Variants in PUSL1 observed in about 807,000 individuals in gnomAD.
PUSL1 encodes the protein pseudouridine synthase like 1.
In PUSL1, 51 loss-of-function variants were observed where a neutral mutation model predicts 30.7. The observed-to-expected ratio is 1.66, with a 90% CI of 1.33 to 2.10. PUSL1 has a LOEUF of 2.10. PUSL1 is among the 30% of genes most tolerant of loss of function. The pLI, the probability that PUSL1 is intolerant of heterozygous loss-of-function variation, is 0.00. For missense variants in PUSL1, 609 were observed against 427.6 expected (o/e 1.42, Z -3.74); for synonymous variants, 290 against 192.1 (o/e 1.51, Z -4.21).
Position 1,311,610 on chromosome 1 carries a change from A to G in PUSL1, c.*231A>G. The G allele has an allele frequency of 7.0e-6, 5 of 715,788 alleles. No homozygotes were observed. The allele number at this position is 715,788 out of a possible 1,614,324, so 44.3% of individuals were successfully genotyped here. ...GAGAGTACCAAGTAGTCTTTTGTTCAGCTTTTACTGGAAACTGCTGTCTAG... is the reference window on the plus strand; with the variant it reads ...GAGAGTACCAAGTAGTCTTTTGTTCGGCTTTTACTGGAAACTGCTGTCTAG... On this transcript the variant is annotated 3_prime_UTR_variant, in exon 8 of 8. Coordinates refer to ENST00000379031, the MANE Select transcript of PUSL1 (RefSeq NM_153339.3).
Position 1,309,848 on chromosome 1 carries a change from GC to G in PUSL1, c.642del (p.Ser214ArgfsTer24), listed in dbSNP as rs1453912201. 2 of 1,515,760 alleles carry G rather than the reference GC, an allele frequency of 1.3e-6. No homozygotes were observed. The highest frequency in any genetic ancestry group is 2.8e-5 in the African/African-American group (2 of 72,070). The allele number at this position is 1,515,760 out of a possible 1,614,324, so 93.9% of individuals were successfully genotyped here. A position where few individuals can be genotyped will look rare whatever the true frequency, so the allele number is the denominator to read the frequency against. ...AGCCCCTTGGTCACCCCCGAGGAGA[GC>G]AGGTGAGGAAGGGCCCCTGGGCTGT... ...QASPLVTPEE[S>X]RKLRFWNLEF... On this transcript the variant is annotated frameshift_variant and splice_region_variant, in exon 5 of 8. Transcript: ENST00000379031. LOFTEE classifies it high-confidence loss of function.
Position 1,308,692 on chromosome 1 carries a change from T to C in PUSL1, c.49T>C (p.Tyr17His). The C allele has an allele frequency of 6.4e-7, 1 of 1,556,956 alleles. No homozygotes were observed. The highest frequency in any genetic ancestry group is 8.7e-7 in the Non-Finnish European group (1 of 1,155,244). ...CTCCGTGCGCGCGCGCTATCTTGTGTACTTCCAGTACGTGGGCACCGACTT... is the reference window on the plus strand; with the variant it reads ...CTCCGTGCGCGCGCGCTATCTTGTGCACTTCCAGTACGTGGGCACCGACTT... ...SGSVRARYLV[Y>H]FQYVGTDFNG... The change falls in exon 1 of 8, where the codon TAC becomes CAC. Residue 17 changes from tyrosine (Y) to histidine (H), a missense_variant. Transcript: ENST00000379031.
chr1:1,310,570 C>T, intron 5 of PUSL1, 64 bp from the exon 6 acceptor site: 1 of 1,299,172 alleles, frequency 7.7e-7, no homozygotes, highest in Non-Finnish European at 1.1e-6. Context: ...CGTCCAAGGC[C>T]ACATAGTAGG....
chr1:1,309,640 G>A, intron 4 of PUSL1, 37 bp downstream of exon 4: 2 of 1,597,156 alleles, frequency 1.3e-6, no homozygotes, highest in South Asian at 1.1e-5. Context: ...GGGGCGGGCA[G>A]GCCGGCCCCA....
chr1:1,309,014 G>C, intron 2 of PUSL1, 42 bp downstream of exon 2: 1 of 1,392,838 alleles, frequency 7.2e-7, no homozygotes, highest in Non-Finnish European at 9.3e-7. Flanking sequence ...AGGGGTAAGG[G>C]GGAGGCTCCC....
At chr1:1,310,047 G>A in intron 5 of PUSL1, 196 bp downstream of exon 5, 1 of 552,320 alleles carries the variant, frequency 1.8e-6, no homozygotes, top group Non-Finnish European at 3.2e-6. Flanking sequence ...CTGGGGAGCG[G>A]AGAACAGGGA....
At chr1:1,309,409 G>C (rs1306690338) in intron 3 of PUSL1, 45 bp from the exon 4 acceptor site, 7 of 1,538,704 alleles carry the variant, frequency 4.5e-6, no homozygotes, top group Non-Finnish European at 6.1e-6. Flanking sequence ...TGACACCGCG[G>C]GCGGGCGGGG....
chr1:1,311,334 T>C lies in PUSL1; in HGVS notation c.867T>C (p.Ala289=). The C allele has an allele frequency of 6.3e-7, 1 of 1,577,922 alleles. No individual in the cohort carries two copies. The highest frequency in any genetic ancestry group is 1.1e-5 in the South Asian group (1 of 87,054). ...CAGGGTCTGGTCCGTCCACAGGTGC[T>C]GCCTCCTGCACCCTGCAGGGGCCAC... ...LKSVLYGNLG[A]ASCTLQGPQF... The change falls in exon 8 of 8, where the codon GCT becomes GCC. Residue 289 remains alanine (A), a synonymous_variant. Transcript: ENST00000379031.
In PUSL1 at chr1:1,311,127, G is replaced by A. The variant is rs575208996; in HGVS notation, c.862+56G>A. The A allele has an allele frequency of 8.1e-5, 126 of 1,548,442 alleles. 1 individual carries two copies. The highest frequency in any genetic ancestry group is 5.3e-4 in the South Asian group (43 of 81,654). The stretch of plus-strand genomic sequence containing the variant: ...CATGTGCCCAGTGACTACTGTGGCC[G>A]AGGCATGGGGTGGGGGGCCAGGGGC... On this transcript the variant is annotated intron_variant, in intron 7 of 7. Coordinates refer to ENST00000379031, the MANE Select transcript of PUSL1 (RefSeq NM_153339.3).
rs1227448739 is a variant in PUSL1 at position 1,309,865 on chromosome 1, C to G, written c.644+14C>G. On this transcript the variant is annotated intron_variant, in intron 5 of 7. Transcript: ENST00000379031. ...CGAGGAGAGCAGGTGAGGAAGGGCC[C>G]CTGGGCTGTGGCCCTGCCCTCAAGT... 1.3e-6 allele frequency: 2 copies of G among 1,484,426 alleles called. No individual in the cohort carries two copies. The highest frequency in any genetic ancestry group is 2.5e-5 in the East Asian group (1 of 39,938). 92.0% of individuals were successfully genotyped at this position (1,484,426 alleles called of 1,614,324 possible). A position where few individuals can be genotyped will look rare whatever the true frequency, so the allele number is the denominator to read the frequency against.
rs762670024 is a variant in PUSL1, at chr1:1,310,595, C to T, written c.645-39C>T. The T allele has an allele frequency of 2.0e-6, 3 of 1,464,406 alleles. No individual in the cohort carries two copies. The East Asian group carries it at 6.9e-5, about 33-fold the overall frequency. 90.7% of individuals were successfully genotyped at this position (1,464,406 alleles called of 1,614,324 possible). On this transcript the variant is annotated intron_variant, in intron 5 of 7. Transcript: ENST00000379031. ...CACATAGTAGGCTGAGGATGGCAAA[C>T]ACTGCCCCACAGACACCTACAGGTA...
chr1:1,308,951 C>T lies in PUSL1; in HGVS notation c.114C>T (p.Val38=), dbSNP rs1305424582. ...CCGTCAGGGGCACTCAGCGCGCCGTCGGGGTCCAGAACTACCTGGAGGTGC... is the reference window on the plus strand; with the variant it reads ...CCGTCAGGGGCACTCAGCGCGCCGTTGGGGTCCAGAACTACCTGGAGGTGC... ...VAAVRGTQRA[V]GVQNYLEEAA... is the part of the protein sequence containing the mutation. Residue 38 remains valine (V), a synonymous_variant, in exon 2 of 8, where the codon GTC becomes GTT. Coordinates refer to ENST00000379031, the MANE Select transcript of PUSL1 (RefSeq NM_153339.3). 7.0e-7 allele frequency: 1 copy of T among 1,421,306 alleles called. No individual in the cohort carries two copies. Among genetic ancestry groups the T allele is most frequent in the Non-Finnish European group, 9.2e-7 (1 of 1,091,490 alleles). 88.0% of individuals were successfully genotyped at this position (1,421,306 alleles called of 1,614,324 possible).
chr1:1,308,740 C>T lies in PUSL1; in HGVS notation c.77+20C>T. 3.3e-6 allele frequency: 5 copies of T among 1,516,632 alleles called. No individual in the cohort carries two copies. Among genetic ancestry groups the T allele is most frequent in the East Asian group, 2.7e-5 (1 of 37,086 alleles). 93.9% of individuals were successfully genotyped at this position (1,516,632 alleles called of 1,614,324 possible). A position where few individuals can be genotyped will look rare whatever the true frequency, so the allele number is the denominator to read the frequency against. On this transcript the variant is annotated intron_variant, in intron 1 of 7. Coordinates refer to ENST00000379031, the MANE Select transcript of PUSL1 (RefSeq NM_153339.3). Reference sequence around the variant, plus strand: ...CTTTAAGTAGGTTTCCCAGGCGCAGCGGCGGGCGCCACGTGGGCCCGGGCG... The same window carrying T: ...CTTTAAGTAGGTTTCCCAGGCGCAGTGGCGGGCGCCACGTGGGCCCGGGCG...
rs1182074380 is a variant in PUSL1, at chr1:1,311,330, G to T, written c.863G>T (p.Gly288Val). The change falls in exon 8 of 8, where the codon GGT becomes GTT. Residue 288 changes from glycine (G) to valine (V), a missense_variant and splice_region_variant. Transcript: ENST00000379031. ...GACGCAGGGTCTGGTCCGTCCACAG[G>T]TGCTGCCTCCTGCACCCTGCAGGGG... Reference protein sequence around the residue: ...FLKSVLYGNLGAASCTLQGPQ... With the variant: ...FLKSVLYGNLVAASCTLQGPQ... 9 of 1,574,216 alleles carry T rather than the reference G, an allele frequency of 5.7e-6. No individual in the cohort carries two copies. The highest frequency in any genetic ancestry group is 7.8e-6 in the Non-Finnish European group (9 of 1,157,258).
chr1:1,308,639 C>A lies in PUSL1; in HGVS notation c.-5C>A, dbSNP rs1380405690. ...CGCCTCTGACGCCACCGGCTGGGCTCCGCCATGAGTTCGGCGCCGGCCTCA... is the reference window on the plus strand; with the variant it reads ...CGCCTCTGACGCCACCGGCTGGGCTACGCCATGAGTTCGGCGCCGGCCTCA... On this transcript the variant is annotated 5_prime_UTR_variant, in exon 1 of 8. Transcript: ENST00000379031. 6.7e-7 allele frequency: 1 copy of A among 1,499,578 alleles called. No individual in the cohort carries two copies. The highest frequency in any genetic ancestry group is 1.4e-5 in the African/African-American group (1 of 68,978). The allele number at this position is 1,499,578 out of a possible 1,614,324, so 92.9% of individuals were successfully genotyped here. A position where few individuals can be genotyped will look rare whatever the true frequency, so the allele number is the denominator to read the frequency against.
intron 5 of PUSL1, 122 bp downstream of exon 5, chr1:1,309,973 C>T (rs1570687450): frequency 2.6e-6 from 2 of 774,876 alleles, no homozygotes; most frequent in South Asian, 3.9e-5. Flanking sequence ...GTCCTCAGGA[C>T]CTGGACAGCT....
Position 1,309,806 on chromosome 1 carries a change from T to C in PUSL1, c.599T>C (p.Val200Ala). 6.4e-7 allele frequency: 1 copy of C among 1,552,362 alleles called. No individual in the cohort carries two copies. Among genetic ancestry groups the C allele is most frequent in the Non-Finnish European group, 8.7e-7 (1 of 1,147,874 alleles). The change falls in exon 5 of 8, where the codon GTT (valine) becomes GCT (alanine). Residue 200 changes from valine (V) to alanine (A), a missense_variant. Coordinates refer to ENST00000379031, the MANE Select transcript of PUSL1 (RefSeq NM_153339.3). ...SPVRTLRRVS[V>A]SPGQASPLVT... ...GTGCGAACGCTGCGCCGGGTCTCCG[T>C]TTCCCCAGGCCAAGCCAGCCCCTTG...
intron 1 of PUSL1, 95 bp downstream of exon 1, chr1:1,308,815 GT>G: frequency 6.9e-7 from 1 of 1,439,334 alleles, no homozygotes; most frequent in Non-Finnish European, 9.2e-7. Context: ...CTGGACGCGG[GT>G]TCCAAACGTT....
At position 1,310,025 on chromosome 1, in the gene PUSL1, C is replaced by T. The variant is rs150183266; in HGVS notation, c.644+174C>T. 2.4e-3 allele frequency: 1,327 copies of T among 558,582 alleles called. 7 individuals carry two copies. Among genetic ancestry groups the T allele is most frequent in the Middle Eastern group, 0.019 (63 of 3,390 alleles). 34.6% of individuals were successfully genotyped at this position (558,582 alleles called of 1,614,324 possible). A position where few individuals can be genotyped will look rare whatever the true frequency, so the allele number is the denominator to read the frequency against. Reference sequence around the variant, plus strand: ...GACGCCCCCCAGCCTCCAGCTGTGCCCTCCCCCCAGGCTGGGGAGCGGAGA... The same window carrying T: ...GACGCCCCCCAGCCTCCAGCTGTGCTCTCCCCCCAGGCTGGGGAGCGGAGA... On this transcript the variant is annotated intron_variant, in intron 5 of 7. Transcript: ENST00000379031.
Sources: allele counts gnomAD v4.1 joint callset, GRCh38; gene constraint gnomAD v4.1.1; transcripts MANE v1.5; gene names NCBI Gene and HGNC (gene_info 2026-07-23, HGNC 2026-07-21).